The following CASD1 variants were observed in gnomAD, a reference collection of about 807,000 sequenced individuals.
CASD1 encodes CAS1 domain sialic acid O acetyltransferase 1.
Under a neutral mutation model 100.0 loss-of-function variants are expected in CASD1, and 41 were observed. That is an observed-to-expected ratio of 0.41 (90% CI 0.32 to 0.53). CASD1 has a LOEUF of 0.53. Ranked by LOEUF, CASD1 falls within the 20% of genes least tolerant of loss-of-function variation. The pLI is 0.25. For missense variants in CASD1, 774 were observed against 948.7 expected (o/e 0.82, Z 2.42); for synonymous variants, 321 against 315.6 (o/e 1.02, Z -0.18).
At chr7:94,577,837 A>G in the CASD1 span, among the ~76,000 whole-genome samples, 8 of 152,218 alleles carry the variant, frequency 5.3e-5, no homozygotes, top group Non-Finnish European at 1.0e-4. Flanking sequence ...AATAAAGACA[A>G]CTTTGCAAGT....
chr7:94,560,164 G>C (rs1047434396), downstream of CASD1, among the ~76,000 whole-genome samples: 9 of 152,176 alleles, frequency 5.9e-5, no homozygotes, highest in Non-Finnish European at 1.2e-4. Flanking sequence ...TAGACGGAAT[G>C]AATATGCCTT....
At chr7:94,522,977 C>T (rs951067436) in intron 3 of CASD1, among the ~76,000 whole-genome samples, 12 of 152,072 alleles carry the variant, frequency 7.9e-5, no homozygotes, top group Non-Finnish European at 1.6e-4. Flanking sequence ...TTATTTTTAA[C>T]GTGTATTACA....
chr7:94,562,697 GT>G, the CASD1 span, among the ~76,000 whole-genome samples: 3 of 151,126 alleles, frequency 2.0e-5, no homozygotes, highest in African/African-American at 7.3e-5. Flanking sequence ...ACTGCCAATT[GT>G]TTCCTCTTTT....
the CASD1 span, among the ~76,000 whole-genome samples, chr7:94,604,121 G>A: frequency 6.6e-6 from 1 of 152,052 alleles, no homozygotes; most frequent in Admixed American, 6.6e-5. Flanking sequence ...TATGGGGAAA[G>A]ATCTCTACTT....
intron 3 of CASD1, among the ~76,000 whole-genome samples, chr7:94,520,144 A>G (rs56190737): frequency 0.039 from 5,896 of 152,282 alleles, 374 homozygotes; most frequent in African/African-American, 0.13. Context: ...AATTTTCAAG[A>G]AAATATTTAA....
chr7:94,515,947 G>A (rs964016689), intron 1 of CASD1, among the ~76,000 whole-genome samples: 2 of 151,926 alleles, frequency 1.3e-5, no homozygotes, highest in African/African-American at 2.4e-5. Context: ...TTACCATATG[G>A]CCATTATAAA....
the CASD1 span, among the ~76,000 whole-genome samples, chr7:94,592,031 T>C: frequency 1.3e-5 from 2 of 152,190 alleles, no homozygotes; most frequent in African/African-American, 2.4e-5. Flanking sequence ...AAAAAAATAC[T>C]GAGATTCAAC....
Position 94,555,772 on chromosome 7 carries a change from TA to T in CASD1, c.*20del. On this transcript the variant is annotated 3_prime_UTR_variant, in exon 18 of 18. Coordinates refer to ENST00000297273, the MANE Select transcript of CASD1 (RefSeq NM_022900.5). ...TCAAAACATTAGGTTCCAAAAATTC[TA>T]AAAAACCTAAACTCTTCAGGCTACC... 6.2e-7 allele frequency: 1 copy of T among 1,604,656 alleles called. No homozygotes were observed. The highest frequency in any genetic ancestry group is 8.5e-7 in the Non-Finnish European group (1 of 1,176,598).
the CASD1 span, among the ~76,000 whole-genome samples, chr7:94,616,239 C>G: frequency 1.3e-5 from 2 of 152,154 alleles, no homozygotes; most frequent in African/African-American, 4.8e-5. Flanking sequence ...CTGAGGGCTA[C>G]TCTTGGTCAT....
chr7:94,614,106 T>TAAAAAAAAAAAAAAAAAAAAA, the CASD1 span, among the ~76,000 whole-genome samples: 2 of 55,170 alleles, frequency 3.6e-5, no homozygotes, highest in Non-Finnish European at 3.4e-5. Context: ...CAAATTGAAA[T>TAAAAAAAAAAAAAAAAAAAAA]CAAAAAAAAA....
chr7:94,594,694 C>G, the CASD1 span: 2 of 152,100 alleles, frequency 1.3e-5, no homozygotes, highest in Non-Finnish European at 2.9e-5. Flanking sequence ...GAGAAACTGG[C>G]TGAGGCGTAT....
At position 94,554,535 on chromosome 7, in the gene CASD1, A is replaced by G. The variant is rs1796110543; in HGVS notation, c.2087A>G (p.Tyr696Cys). The G allele has an allele frequency of 6.2e-7, 1 of 1,612,366 alleles. No homozygotes were observed. Residue 696 changes from tyrosine to cysteine, a missense_variant, in exon 17 of 18, where the codon TAC becomes TGC. Around this residue, in one of 5 missense-constraint regions of CASD1, gnomAD observed 175 missense variants for 206.9 expected, o/e 0.85. Transcript: ENST00000297273. Reference protein sequence around the residue: ...RNIPGYARSVYSSFFAWFGKI... With the variant: ...RNIPGYARSVCSSFFAWFGKI... ...ATCCCTGGATATGCCCGTTCAGTTT[A>G]CAGTTCATTTTTTGCTTGGTTTGGA...
the CASD1 span, among the ~76,000 whole-genome samples, chr7:94,604,803 TG>T: frequency 1.8e-5 from 1 of 54,588 alleles, no homozygotes; most frequent in African/African-American, 7.0e-5. Context: ...CTAATGGTGC[TG>T]GAATATATAT....
At chr7:94,581,606 A>G in the CASD1 span, among the ~76,000 whole-genome samples, 1 of 152,000 alleles carries the variant, frequency 6.6e-6, no homozygotes, top group Non-Finnish European at 1.5e-5. Context: ...TTTAGCTCTC[A>G]CTTATGAGAA....
At chr7:94,528,091 T>G (rs1225440457) in intron 4 of CASD1, 97 bp from the exon 5 acceptor site, 1 of 850,370 alleles carries the variant, frequency 1.2e-6, no homozygotes, top group Non-Finnish European at 1.9e-6. Flanking sequence ...AGTGTTTTAC[T>G]TTTAAGTACT....
chr7:94,599,046 T>C, the CASD1 span: 2 of 992,446 alleles, frequency 2.0e-6, no homozygotes, highest in Non-Finnish European at 3.0e-6. Context: ...ACTTATGAAG[T>C]ATTTTTATCT....
intron 7 of CASD1, 145 bp downstream of exon 7, chr7:94,533,947 T>C: frequency 1.5e-6 from 1 of 675,116 alleles, no homozygotes; most frequent in Non-Finnish European, 2.3e-6. Flanking sequence ...ACACTTGAGT[T>C]ATTTGCTCTC....
chr7:94,578,945 G>C, the CASD1 span, among the ~76,000 whole-genome samples: 1 of 151,964 alleles, frequency 6.6e-6, no homozygotes, highest in African/African-American at 2.4e-5. Flanking sequence ...ATTTAATCCA[G>C]GTAGCTTCCT....
chr7:94,600,590 C>A, the CASD1 span: 1 of 1,316,434 alleles, frequency 7.6e-7, no homozygotes, highest in African/African-American at 1.4e-5. Context: ...ATGGAATCTT[C>A]TATGTTGTTA....
Sources: allele counts gnomAD v4.1 joint callset (sites outside exome capture counted in the v4.1 genomes callset), GRCh38; gene constraint gnomAD v4.1.1; regional missense constraint gnomAD v4.1.1; transcripts MANE v1.5; gene names NCBI Gene and HGNC (gene_info 2026-07-23, HGNC 2026-07-21).